The following KAT7 variants were observed in gnomAD, a reference collection of about 807,000 sequenced individuals.
KAT7 encodes the protein histone acetyltransferase KAT7.
In KAT7, 10 loss-of-function variants were observed where a neutral mutation model predicts 82.1. That is an observed-to-expected ratio of 0.12 (90% CI 0.08 to 0.21). The LOEUF (loss-of-function observed/expected upper bound fraction) is 0.21, where lower values mean the gene tolerates loss of function less well. Ranked by LOEUF, KAT7 falls within the 10% of genes least tolerant of loss-of-function variation. KAT7 has a pLI of 1.00. For missense variants in KAT7, 378 were observed against 760.9 expected, an observed-to-expected ratio of 0.50 and a Z score of 5.92; for synonymous variants, 250 against 262.5, an observed-to-expected ratio of 0.95 and a Z score of 0.46.
intron 4 of KAT7, among the ~76,000 whole-genome samples, chr17:49,802,361 A>G (rs571654807): frequency 8.6e-4 from 131 of 152,294 alleles, no homozygotes; most frequent in African/African-American, 3.2e-3. Flanking sequence ...CATGCCCTGA[A>G]TAAATTACTA....
Position 49,817,799 on chromosome 17 carries a change from CTT to C in KAT7, c.964-18_964-17del. ...ATAATAAATTCTGATCCTCCTTTGACTTTTGATTTCTTGGCAATAGGAGAAGT... is the reference window on the plus strand; with the variant it reads ...ATAATAAATTCTGATCCTCCTTTGACTTGATTTCTTGGCAATAGGAGAAGT... On this transcript the variant is annotated intron_variant, in intron 8 of 14. Transcript: ENST00000259021. The C allele has an allele frequency of 1.9e-6, 3 of 1,601,272 alleles. No individual in the cohort carries two copies. The highest frequency in any genetic ancestry group is 2.6e-6 in the Non-Finnish European group (3 of 1,170,588).
intron 6 of KAT7, 88 bp from the exon 7 acceptor site, chr17:49,811,388 T>G: frequency 6.7e-6 from 4 of 593,698 alleles, no homozygotes; most frequent in Non-Finnish European, 1.2e-5. Context: ...ATTACAGGCG[T>G]GAGCTACTGT....
At chr17:49,819,223 A>G (rs1233817594) in intron 9 of KAT7, among the ~76,000 whole-genome samples, 1 of 152,074 alleles carries the variant, frequency 6.6e-6, no homozygotes, top group Non-Finnish European at 1.5e-5. Flanking sequence ...TTATGTTCCC[A>G]GTTCAGGAGC....
chr17:49,821,957 T>C (rs2074309184), intron 11 of KAT7, among the ~76,000 whole-genome samples, 167 bp downstream of exon 11: 2 of 152,020 alleles, frequency 1.3e-5, no homozygotes. Context: ...TCAAAGATTG[T>C]TTAATGAAAA....
chr17:49,824,711 A>G (rs2074347866), intron 12 of KAT7: 1 of 152,192 alleles, frequency 6.6e-6, no homozygotes, highest in Non-Finnish European at 1.5e-5. Flanking sequence ...GGGAAGTGAC[A>G]TAAGAGGGGA....
intron 1 of KAT7, 81 bp from the exon 2 acceptor site, chr17:49,791,805 C>G (rs1598048331): frequency 1.4e-6 from 2 of 1,421,946 alleles, no homozygotes; most frequent in East Asian, 4.6e-5. Context: ...TTCAGTGTCA[C>G]AGCTTGTTTT....
At chr17:49,791,824 T>A in intron 1 of KAT7, 62 bp from the exon 2 acceptor site, 6 of 1,528,366 alleles carry the variant, frequency 3.9e-6, no homozygotes, top group Non-Finnish European at 5.4e-6. Flanking sequence ...TTATTTTCAA[T>A]GTTAATGCAA....
intron 9 of KAT7, among the ~76,000 whole-genome samples, chr17:49,818,931 G>T (rs1390666255): frequency 6.6e-6 from 1 of 152,036 alleles, no homozygotes; most frequent in African/African-American, 2.4e-5. Flanking sequence ...TAGAGACAGG[G>T]TTTCACCATA....
rs1403021983 is a variant in KAT7, at chr17:49,826,802, A to G, written c.1734+3A>G. ...AACACCTAGTTTTAAAGAGACAGGT[A>G]AGGTTCTCATCAGGGGCTTGCTCAT... On this transcript the variant is annotated splice_donor_region_variant and intron_variant, in intron 14 of 14. Coordinates refer to ENST00000259021, the MANE Select transcript of KAT7 (RefSeq NM_007067.5). 6.3e-7 allele frequency: 1 copy of G among 1,585,350 alleles called. No individual in the cohort carries two copies. The highest frequency in any genetic ancestry group is 8.7e-7 in the Non-Finnish European group (1 of 1,154,568).
rs993306775 is a variant in KAT7 at position 49,828,357 on chromosome 17, C to T, written c.*855C>T. On this transcript the variant is annotated 3_prime_UTR_variant, in exon 15 of 15. Coordinates refer to ENST00000259021, the MANE Select transcript of KAT7 (RefSeq NM_007067.5). ...GTAATGTCCACTTTTCCCTTTCATG[C>T]TGCATATTAACTGGTTAATTATACT... The T allele has an allele frequency of 2.6e-5, 4 of 152,236 alleles. No homozygotes were observed. Among genetic ancestry groups the T allele is most frequent in the Non-Finnish European group, 5.9e-5 (4 of 68,058 alleles). The allele number at this position is 152,236 out of a possible 1,614,324, so 9.4% of individuals were successfully genotyped here. A position where few individuals can be genotyped will look rare whatever the true frequency, so the allele number is the denominator to read the frequency against.
chr17:49,822,954 G>A (rs963602695), intron 11 of KAT7, among the ~76,000 whole-genome samples: 1 of 152,138 alleles, frequency 6.6e-6, no homozygotes, highest in African/African-American at 2.4e-5. Context: ...CTACTCTGTG[G>A]CTGTCAGGAG....
chr17:49,789,651 A>G (rs1668930833), intron 1 of KAT7: 1 of 152,094 alleles, frequency 6.6e-6, no homozygotes, highest in Admixed American at 6.6e-5. Context: ...AACAAATCTA[A>G]CTCAATTCAA....
intron 5 of KAT7, among the ~76,000 whole-genome samples, chr17:49,805,904 T>C (rs370168309): frequency 1.1e-4 from 16 of 152,240 alleles, no homozygotes; most frequent in African/African-American, 3.9e-4. Flanking sequence ...TACTTTTTGT[T>C]ACTCTCAGTC....
In KAT7 at chr17:49,832,723, T is replaced by G. The variant is rs2074434359; in HGVS notation, c.*5221T>G. ...GCTCACTGAGGCTCTCAGCATTAGTTTCCTCTACCTCTTGTGTCTCACAGG... is the reference window on the plus strand; with the variant it reads ...GCTCACTGAGGCTCTCAGCATTAGTGTCCTCTACCTCTTGTGTCTCACAGG... On this transcript the variant is annotated 3_prime_UTR_variant, in exon 15 of 15. Coordinates refer to ENST00000259021, the MANE Select transcript of KAT7 (RefSeq NM_007067.5). The G allele has an allele frequency of 1.3e-5, 2 of 152,210 alleles. No individual in the cohort carries two copies. The highest frequency in any genetic ancestry group is 1.3e-4 in the Admixed American group (2 of 15,276). The allele number at this position is 152,210 out of a possible 1,614,324, so 9.4% of individuals were successfully genotyped here.
intron 7 of KAT7, among the ~76,000 whole-genome samples, chr17:49,813,596 A>T (rs1023569597): frequency 1.3e-5 from 2 of 152,136 alleles, no homozygotes; most frequent in Non-Finnish European, 2.9e-5. Context: ...ATATTCCGGG[A>T]AAAAAATGTG....
chr17:49,807,281 G>A (rs562265278), intron 5 of KAT7, among the ~76,000 whole-genome samples: 2 of 152,312 alleles, frequency 1.3e-5, no homozygotes, highest in African/African-American at 4.8e-5. Flanking sequence ...GGGGGTGAGG[G>A]TAGGGATAGC....
rs1192199335 is a variant in KAT7 at position 49,828,051 on chromosome 17, C to T, written c.*549C>T. 1 of 153,016 alleles carries T rather than the reference C, an allele frequency of 6.5e-6. No individual in the cohort carries two copies. Among genetic ancestry groups the T allele is most frequent in the Non-Finnish European group, 1.5e-5 (1 of 68,616 alleles). The allele number at this position is 153,016 out of a possible 1,614,324, so 9.5% of individuals were successfully genotyped here. A position where few individuals can be genotyped will look rare whatever the true frequency, so the allele number is the denominator to read the frequency against. ...AAATTTCTTCATTTTGATTAAGAGA[C>T]CTCTTTTTGATCTGTATTGGGCTAA... On this transcript the variant is annotated 3_prime_UTR_variant, in exon 15 of 15. Coordinates refer to ENST00000259021, the MANE Select transcript of KAT7 (RefSeq NM_007067.5).
intron 4 of KAT7, among the ~76,000 whole-genome samples, chr17:49,802,015 T>A (rs893344412): frequency 6.6e-6 from 1 of 152,236 alleles, no homozygotes; most frequent in Non-Finnish European, 1.5e-5. Flanking sequence ...ATTTCCTTTT[T>A]GTGATTATTC....
Position 49,823,262 on chromosome 17 carries a change from A to C in KAT7, c.1447A>C (p.Arg483=). Residue 483 remains arginine, a synonymous_variant, in exon 12 of 15, where the codon AGA becomes CGA. Coordinates refer to ENST00000259021, the MANE Select transcript of KAT7 (RefSeq NM_007067.5). ...SCILTMPQYM[R]QGYGKMLIDF... is the part of the protein sequence containing the mutation. ...TATCCTTACTATGCCTCAGTACATG[A>C]GACAGGGCTATGGCAAGATGCTTAT... 1.9e-6 allele frequency: 3 copies of C among 1,601,120 alleles called. No individual in the cohort carries two copies. Among genetic ancestry groups the C allele is most frequent in the South Asian group, 2.2e-5 (2 of 90,764 alleles).
Sources: gnomAD v4.1 joint callset for allele counts (sites outside exome capture counted in the v4.1 genomes callset) on GRCh38, gnomAD v4.1.1 for gene constraint, MANE v1.5 for transcripts, NCBI Gene and HGNC (gene_info 2026-07-23, HGNC 2026-07-21) for gene names.